The following SLC25A30 variants were observed in gnomAD, a reference collection of about 807,000 sequenced individuals.
The protein encoded by SLC25A30 is solute carrier family 25 member 30, also known as kidney mitochondrial carrier protein 1.
SLC25A30 carries 29 observed loss-of-function variants against 42.7 expected under a neutral mutation model. That is an observed-to-expected ratio of 0.68 (90% CI 0.51 to 0.93). The LOEUF is 0.93. SLC25A30 is among the 40% of genes least tolerant of loss of function. The pLI is 0.00. For synonymous variants in SLC25A30, 124 were observed against 131.0 expected, an observed-to-expected ratio of 0.95 and a Z score of 0.37; for missense variants, 300 against 359.7, an observed-to-expected ratio of 0.83 and a Z score of 1.34.
At chr13:45,425,631 T>C in the SLC25A30 span, among the ~76,000 whole-genome samples, 4 of 71,850 alleles carry the variant, frequency 5.6e-5, no homozygotes, top group East Asian at 2.5e-4. Context: ...TATATATAAG[T>C]ATATATAAAT....
At chr13:45,423,600 T>A in the SLC25A30 span, among the ~76,000 whole-genome samples, 15 of 105,966 alleles carry the variant, frequency 1.4e-4, 2 homozygotes, top group Admixed American at 1.8e-3. Context: ...AATATATATA[T>A]ATATAAATAT....
chr13:45,425,153 T>TAAGTA, the SLC25A30 span, among the ~76,000 whole-genome samples: 6 of 93,630 alleles, frequency 6.4e-5, no homozygotes, highest in African/African-American at 2.6e-4. Flanking sequence ...TATAAATATA[T>TAAGTA]TGATAAATAT....
intron 2 of SLC25A30, among the ~76,000 whole-genome samples, chr13:45,409,997 A>T (rs558859352): frequency 6.6e-6 from 1 of 152,260 alleles, no homozygotes; most frequent in East Asian, 1.9e-4. Flanking sequence ...CATCCAGCTT[A>T]CCCACCTTGG....
intron 1 of SLC25A30, among the ~76,000 whole-genome samples, chr13:45,412,383 T>G (rs1883109114): frequency 6.6e-6 from 1 of 152,154 alleles, no homozygotes; most frequent in Non-Finnish European, 1.5e-5. Context: ...TGAGAGCCAC[T>G]ATGCCCAGCC....
the SLC25A30 span, among the ~76,000 whole-genome samples, chr13:45,423,899 A>G: frequency 1.1e-5 from 1 of 91,962 alleles, no homozygotes; most frequent in East Asian, 3.3e-4. Flanking sequence ...ATATAAATAT[A>G]TATAAGAATA....
At chr13:45,429,489 C>A in the SLC25A30 span, among the ~76,000 whole-genome samples, 305 of 152,042 alleles carry the variant, frequency 2.0e-3, no homozygotes, top group African/African-American at 7.0e-3. Context: ...AATAAGCGAC[C>A]AGCAAAGGAG....
chr13:45,426,261 G>A, the SLC25A30 span, among the ~76,000 whole-genome samples: 2 of 151,270 alleles, frequency 1.3e-5, no homozygotes, highest in Non-Finnish European at 1.5e-5. Context: ...TAATTTTTGT[G>A]TTTTTAGTAG....
Position 45,394,269 on chromosome 13 carries a change from T to A in SLC25A30, c.*1705A>T. 1 of 357,130 alleles carries A rather than the reference T, an allele frequency of 2.8e-6. No homozygotes were observed. The highest frequency in any genetic ancestry group is 3.8e-6 in the Non-Finnish European group (1 of 266,082). 22.1% of individuals were successfully genotyped at this position (357,130 alleles called of 1,614,324 possible). A position where few individuals can be genotyped will look rare whatever the true frequency, so the allele number is the denominator to read the frequency against. Reference sequence around the variant, plus strand: ...CCCCGCCCCCGCCCCCACCTTCTGTTATCCTCTCTTTTTGATGACTTTGTC... The same window carrying A: ...CCCCGCCCCCGCCCCCACCTTCTGTAATCCTCTCTTTTTGATGACTTTGTC... On this transcript the variant is annotated 3_prime_UTR_variant, in exon 10 of 10. Coordinates refer to ENST00000519676, the MANE Select transcript of SLC25A30 (RefSeq NM_001010875.4).
Position 45,399,022 on chromosome 13 carries a change from A to C in SLC25A30, c.671T>G (p.Val224Gly), listed in dbSNP as rs1230781153. Residue 224 changes from valine (V) to glycine (G), a missense_variant, in exon 8 of 10, where the codon GTG becomes GGG. Transcript: ENST00000519676. ...GALASNPVDV[V>G]RTRMMNQRVL... ...TCTCTGATTCATCATACGTGTCCTC[A>C]CAACATCAACAGGGTTTGAGGCCAG... The C allele has an allele frequency of 4.3e-6, 7 of 1,613,874 alleles. No individual in the cohort carries two copies. The highest frequency in any genetic ancestry group is 5.9e-6 in the Non-Finnish European group (7 of 1,179,910).
chr13:45,423,534 A>G, the SLC25A30 span, among the ~76,000 whole-genome samples: 2 of 98,528 alleles, frequency 2.0e-5, no homozygotes, highest in Non-Finnish European at 4.1e-5. Flanking sequence ...AAATATATAT[A>G]CAAATATATA....
At chr13:45,410,280 T>C (rs1223764023) in intron 2 of SLC25A30, among the ~76,000 whole-genome samples, 1 of 152,244 alleles carries the variant, frequency 6.6e-6, no homozygotes, top group East Asian at 1.9e-4. Flanking sequence ...GGGAACACCC[T>C]TGAGCTTCTC....
At chr13:45,397,400 A>G in intron 8 of SLC25A30, 62 bp from the exon 9 acceptor site, 3 of 1,263,128 alleles carry the variant, frequency 2.4e-6, no homozygotes, top group South Asian at 1.2e-5. Context: ...TGCATTAATA[A>G]TTAGTGGCCA....
At chr13:45,432,853 A>G in the SLC25A30 span, among the ~76,000 whole-genome samples, 1 of 151,438 alleles carries the variant, frequency 6.6e-6, no homozygotes, top group Non-Finnish European at 1.5e-5. Flanking sequence ...AGATGGCAAA[A>G]CACAGTCTCT....
At chr13:45,429,908 G>C in the SLC25A30 span, among the ~76,000 whole-genome samples, 1 of 151,626 alleles carries the variant, frequency 6.6e-6, no homozygotes, top group East Asian at 1.9e-4. Context: ...ATTGGAGCAG[G>C]AGTACAAAGA....
At chr13:45,419,597 G>T (rs1883825468), upstream of SLC25A30, among the ~76,000 whole-genome samples, 1 of 151,430 alleles carries the variant, frequency 6.6e-6, no homozygotes, top group Admixed American at 6.6e-5. Context: ...GCCATTACAG[G>T]TGTGAGCCAC....
chr13:45,404,037 A>T (rs190168295), intron 5 of SLC25A30, among the ~76,000 whole-genome samples: 29 of 152,314 alleles, frequency 1.9e-4, no homozygotes, highest in Non-Finnish European at 4.4e-5. Context: ...AACCAATAAA[A>T]CAAGGAACAT....
chr13:45,419,444 G>A (rs1173087909), upstream of SLC25A30, among the ~76,000 whole-genome samples: 3 of 149,828 alleles, frequency 2.0e-5, no homozygotes, highest in East Asian at 2.1e-4. Context: ...TCAGCCTCCC[G>A]AGTAGCTGGG....
chr13:45,413,257 C>T (rs187943756), intron 1 of SLC25A30, among the ~76,000 whole-genome samples: 4 of 152,306 alleles, frequency 2.6e-5, no homozygotes, highest in African/African-American at 9.6e-5. Flanking sequence ...CTCCTCTCAT[C>T]TCCCTATTAT....
chr13:45,424,794 A>T, the SLC25A30 span, among the ~76,000 whole-genome samples: 1 of 64,872 alleles, frequency 1.5e-5, no homozygotes, highest in African/African-American at 5.8e-5. Context: ...ATATAAAAGA[A>T]TATAAATATA....
Sources: gnomAD v4.1 joint callset for allele counts (sites outside exome capture counted in the v4.1 genomes callset) on GRCh38, gnomAD v4.1.1 for gene constraint, MANE v1.5 for transcripts, NCBI Gene and HGNC (gene_info 2026-07-23, HGNC 2026-07-21) for gene names.